CASZ1: variants seen among roughly 807,000 people sequenced by gnomAD.
The protein encoded by CASZ1 is castor zinc finger 1.
CASZ1 carries 28 observed loss-of-function variants against 135.2 expected under a neutral mutation model. The observed-to-expected ratio is 0.21, with a 90% CI of 0.15 to 0.28. CASZ1 has a LOEUF of 0.28. Ranked by LOEUF, CASZ1 falls within the 10% of genes least tolerant of loss-of-function variation. The pLI, the probability that CASZ1 is intolerant of heterozygous loss-of-function variation, is 1.00. For synonymous variants in CASZ1, 1,068 were observed against 1,073.4 expected, an observed-to-expected ratio of 0.99 and a Z score of 0.10; for missense variants, 2,161 against 2,453.3, an observed-to-expected ratio of 0.88 and a Z score of 2.52.
intron 1 of CASZ1, among the ~76,000 whole-genome samples, chr1:10,764,259 C>T (rs1640431243): frequency 1.3e-5 from 2 of 152,210 alleles, no homozygotes; most frequent in Non-Finnish European, 2.9e-5. Flanking sequence ...TGTGAATTAA[C>T]AGCTCTCAGG....
At position 10,654,522 on chromosome 1, in the gene CASZ1, T is replaced by C. The variant is rs1326232837; in HGVS notation, c.1735A>G (p.Thr579Ala). Residue 579 changes from threonine to alanine, a missense_variant, in exon 10 of 21, where the codon ACC becomes GCC. By Grantham distance (58) the Thr-to-Ala change is moderately conservative. Transcript: ENST00000377022. ...TGGAAGCCGTCGTTAATGAGCTGGGTATTCTTCTTGTGGAAGTTCTCGTGG... is the reference window on the plus strand; with the variant it reads ...TGGAAGCCGTCGTTAATGAGCTGGGCATTCTTCTTGTGGAAGTTCTCGTGG... ...MTHENFHKKNTQLINDGFQRF... is the reference protein window; with the variant it reads ...MTHENFHKKNAQLINDGFQRF... The C allele has an allele frequency of 1.2e-6, 2 of 1,614,216 alleles. No individual in the cohort carries two copies. The highest frequency in any genetic ancestry group is 1.3e-5 in the African/African-American group (1 of 75,064).
Position 10,709,894 on chromosome 1 carries a change from G to A in CASZ1, c.-76-4350C>T, listed in dbSNP as rs1395723771. ...CCAGCAGGTGCCCGATCGAGACAGA[G>A]GCCTCGGGAAAGGAGCCTGGGCCCC... is the stretch of plus-strand genomic sequence containing the variant. On this transcript the variant is annotated intron_variant, in intron 2 of 20. Transcript: ENST00000377022. This position sits in a 1 kb window ranked among gnomAD's most constrained non-coding sequence, Gnocchi z 5.1. 6.6e-6 allele frequency among the ~76,000 whole-genome samples: 1 copy of A among 152,210 alleles called. No homozygotes were observed. Among genetic ancestry groups the A allele is most frequent in the Admixed American group, 6.5e-5 (1 of 15,284 alleles).
intron 4 of CASZ1, among the ~76,000 whole-genome samples, chr1:10,684,263 G>A (rs1477192227): frequency 6.6e-6 from 1 of 152,198 alleles, no homozygotes; most frequent in East Asian, 1.9e-4. Context: ...TGTTTGGGGG[G>A]AGAAGGCTCA....
chr1:10,640,455 C>T (rs1570392459), intron 20 of CASZ1, among the ~76,000 whole-genome samples: 1 of 152,232 alleles, frequency 6.6e-6, no homozygotes, highest in South Asian at 2.1e-4. Context: ...CGGGCCAAGA[C>T]GCCAGCTATA....
intron 1 of CASZ1, among the ~76,000 whole-genome samples, chr1:10,769,914 G>A (rs12077574): frequency 0.083 from 12,616 of 152,024 alleles, 626 homozygotes; most frequent in African/African-American, 0.13. Context: ...CAAGATCTAC[G>A]CTATCAGTAT....
chr1:10,665,028 C>G, intron 5 of CASZ1, 55 bp downstream of exon 5: 1 of 1,475,904 alleles, frequency 6.8e-7, no homozygotes, highest in Non-Finnish European at 9.0e-7. Context: ...CTGCCCCTTC[C>G]CCACTGGCCT....
intron 1 of CASZ1, among the ~76,000 whole-genome samples, chr1:10,763,327 C>T (rs1373705735): frequency 6.6e-6 from 1 of 152,178 alleles, no homozygotes; most frequent in African/African-American, 2.4e-5. Context: ...GGGTCCGAGT[C>T]CCACTTCTGT....
chr1:10,794,749 T>C lies in CASZ1; in HGVS notation c.-234+1815A>G, dbSNP rs866865627. ...CCACCCCTTAGAGAAAAATCTATTA[T>C]TATTATCTTAATCTACGCCCCCAAA... On this transcript the variant is annotated intron_variant, in intron 1 of 20. Transcript: ENST00000377022. This position sits in a 1 kb window ranked among gnomAD's most constrained non-coding sequence, Gnocchi z 5.6. 2.6e-5 allele frequency among the ~76,000 whole-genome samples: 4 copies of C among 152,152 alleles called. No individual in the cohort carries two copies. Among genetic ancestry groups the C allele is most frequent in the Admixed American group, 6.5e-5 (1 of 15,282 alleles).
chr1:10,712,504 T>C (rs1222043177), intron 2 of CASZ1, among the ~76,000 whole-genome samples: 2 of 152,212 alleles, frequency 1.3e-5, no homozygotes, highest in African/African-American at 2.4e-5. Flanking sequence ...TTTGTCCCCA[T>C]GTGGCAGCTC....
chr1:10,674,912 T>A (rs1643516730), intron 4 of CASZ1, among the ~76,000 whole-genome samples: 1 of 152,222 alleles, frequency 6.6e-6, no homozygotes, highest in South Asian at 2.1e-4. Flanking sequence ...CATGGGTCCC[T>A]GGGCCCTCTG....
At chr1:10,789,044 T>C (rs1006814087) in intron 1 of CASZ1, among the ~76,000 whole-genome samples, 3 of 152,054 alleles carry the variant, frequency 2.0e-5, no homozygotes, top group Non-Finnish European at 2.9e-5. Context: ...GGGACAAGCC[T>C]CCTCTAACCC....
chr1:10,795,690 C>T (rs1362094799), intron 1 of CASZ1, among the ~76,000 whole-genome samples: 1 of 152,228 alleles, frequency 6.6e-6, no homozygotes, highest in African/African-American at 2.4e-5. Context: ...TGTTGCCAGC[C>T]CTTCAGCTGG....
intron 1 of CASZ1, among the ~76,000 whole-genome samples, chr1:10,783,246 AGTGTGTGTGTGT>A (rs70997266): frequency 6.8e-6 from 1 of 148,044 alleles, no homozygotes; most frequent in African/African-American, 2.5e-5. Context: ...CCAGTGGAGA[AGTGTGTGTGTGT>A]GTGTGTGTGT....
chr1:10,749,512 G>T (rs1640110853), intron 2 of CASZ1, among the ~76,000 whole-genome samples: 1 of 152,152 alleles, frequency 6.6e-6, no homozygotes, highest in Non-Finnish European at 1.5e-5. Context: ...CTCCCAAAGT[G>T]CTGGGATTAC....
intron 2 of CASZ1, among the ~76,000 whole-genome samples, chr1:10,728,037 C>T (rs922195431): frequency 8.5e-5 from 13 of 152,250 alleles, no homozygotes; most frequent in African/African-American, 2.9e-4. Context: ...GCTCCGGGCT[C>T]CCCGTCAACA....
chr1:10,642,831 C>T, intron 20 of CASZ1, 28 bp downstream of exon 20: 1 of 1,608,070 alleles, frequency 6.2e-7, no homozygotes, highest in Non-Finnish European at 8.5e-7. Context: ...GGGCCTGGCC[C>T]TGCCAGCAGC....
intron 10 of CASZ1, 47 bp from the exon 11 acceptor site, chr1:10,654,265 A>G: frequency 6.3e-7 from 1 of 1,583,942 alleles, no homozygotes. Flanking sequence ...AGGAGGCCCC[A>G]CCCTGCTACA....
At chr1:10,658,670 A>G in intron 6 of CASZ1, 94 bp from the exon 7 acceptor site, 2 of 1,105,982 alleles carry the variant, frequency 1.8e-6, no homozygotes, top group Admixed American at 1.7e-5. Context: ...CTGAGGCCCC[A>G]GCCCCTCTGC....
intron 4 of CASZ1, among the ~76,000 whole-genome samples, chr1:10,668,662 T>C (rs1570447701): frequency 6.6e-6 from 1 of 152,346 alleles, no homozygotes; most frequent in Non-Finnish European, 1.5e-5. Context: ...AGCACCAGGG[T>C]ATGGCCTAGC....
Sources: gnomAD v4.1 joint callset for allele counts (sites outside exome capture counted in the v4.1 genomes callset) on GRCh38, gnomAD v4.1.1 for gene constraint, Gnocchi (gnomAD v3.1) non-coding constraint, MANE v1.5 for transcripts, NCBI Gene and HGNC (gene_info 2026-07-23, HGNC 2026-07-21) for gene names.